Variants in SAMMSON observed in about 807,000 individuals in gnomAD.
SAMMSON encodes the protein survival associated mitochondrial melanoma specific oncogenic non-coding RNA, also known as long intergenic non-protein coding RNA 1212.
intron 9 of SAMMSON, among the ~76,000 whole-genome samples, chr3:70,388,613 A>C (rs986283112): frequency 6.6e-6 from 1 of 152,156 alleles, no homozygotes; most frequent in African/African-American, 2.4e-5. Flanking sequence ...ACTCAGTTCC[A>C]GCCTTTGCTA....
intron 4 of SAMMSON, among the ~76,000 whole-genome samples, chr3:70,246,144 G>A (rs73117937): frequency 0.13 from 19,084 of 151,784 alleles, 1,846 homozygotes; most frequent in East Asian, 0.53. Flanking sequence ...GGGATGAACC[G>A]TAGCAACTAT....
At chr3:70,309,167 T>C (rs983945168) in intron 7 of SAMMSON, among the ~76,000 whole-genome samples, 2 of 152,164 alleles carry the variant, frequency 1.3e-5, no homozygotes, top group South Asian at 4.1e-4. Context: ...ATGAAATGAA[T>C]AGAATTTGGA....
chr3:70,383,503 G>A (rs989021924), intron 9 of SAMMSON, among the ~76,000 whole-genome samples: 2 of 151,918 alleles, frequency 1.3e-5, no homozygotes, highest in African/African-American at 4.8e-5. Context: ...AGGTTTCCAC[G>A]CCCACTTTCC....
rs138040169 is a variant in SAMMSON at position 70,387,754 on chromosome 3, G to A, written n.914-1820G>A. ...AAGTTTTTGATTACACAATTCTTATGGATATATTCTTATGGATAGTTCCAT... is the reference window on the plus strand; with the variant it reads ...AAGTTTTTGATTACACAATTCTTATAGATATATTCTTATGGATAGTTCCAT... On this transcript the variant is annotated intron_variant and non_coding_transcript_variant, in intron 9 of 9. Coordinates refer to ENST00000642114, the Ensembl canonical transcript of SAMMSON. 6.1e-3 allele frequency among the ~76,000 whole-genome samples: 935 copies of A among 152,116 alleles called. 3 individuals carry two copies. Among genetic ancestry groups the A allele is most frequent in the African/African-American group, 0.021 (886 of 41,516 alleles).
intron 3 of SAMMSON, among the ~76,000 whole-genome samples, chr3:70,033,517 C>T (rs1034736098): frequency 1.3e-5 from 2 of 151,874 alleles, no homozygotes; most frequent in Non-Finnish European, 1.5e-5. Context: ...GAGAGACTGG[C>T]GAAATATGCT....
chr3:70,371,400 G>A (rs1379844973), intron 9 of SAMMSON, among the ~76,000 whole-genome samples: 1 of 151,952 alleles, frequency 6.6e-6, no homozygotes, highest in Non-Finnish European at 1.5e-5. Flanking sequence ...AGATTGCTTT[G>A]GGTTGTATGA....
intron 2 of SAMMSON, among the ~76,000 whole-genome samples, chr3:70,421,941 A>T (rs979244307): frequency 2.8e-4 from 42 of 152,074 alleles, no homozygotes; most frequent in African/African-American, 9.9e-4. Flanking sequence ...TACCAGTGAA[A>T]ATGTAGATGG....
intron 1 of SAMMSON, among the ~76,000 whole-genome samples, chr3:70,012,101 G>A (rs955793690): frequency 6.6e-6 from 1 of 152,090 alleles, no homozygotes; most frequent in Non-Finnish European, 1.5e-5. Flanking sequence ...ATGATCCAGA[G>A]CTGGAGGAAA....
At chr3:70,293,058 A>AG in intron 7 of SAMMSON, among the ~76,000 whole-genome samples, 1 of 150,100 alleles carries the variant, frequency 6.7e-6, no homozygotes, top group Non-Finnish European at 1.5e-5. Flanking sequence ...AAAAAAAAAA[A>AG]AAAAAAAAAA....
At chr3:70,085,509 G>A (rs895931907) in intron 4 of SAMMSON, among the ~76,000 whole-genome samples, 1 of 152,134 alleles carries the variant, frequency 6.6e-6, no homozygotes, top group Non-Finnish European at 1.5e-5. Flanking sequence ...GGACTACTTT[G>A]ATTTGGGTAG....
chr3:70,342,749 CA>C, intron 7 of SAMMSON, among the ~76,000 whole-genome samples: 2 of 152,230 alleles, frequency 1.3e-5, no homozygotes, highest in Middle Eastern at 6.8e-3. Context: ...TGCCTGAAGT[CA>C]TTATTGGTGA....
At chr3:70,195,941 A>G (rs1701173857) in intron 4 of SAMMSON, among the ~76,000 whole-genome samples, 1 of 152,204 alleles carries the variant, frequency 6.6e-6, no homozygotes, top group African/African-American at 2.4e-5. Context: ...ATAATTATTG[A>G]TCACTTTAAT....
At chr3:70,375,301 C>T (rs564779363) in intron 9 of SAMMSON, among the ~76,000 whole-genome samples, 2 of 151,924 alleles carry the variant, frequency 1.3e-5, no homozygotes, top group African/African-American at 2.4e-5. Flanking sequence ...AGCTTCATCA[C>T]GTTTTTCAAA....
At chr3:70,067,188 G>A (rs1409604945) in intron 3 of SAMMSON, among the ~76,000 whole-genome samples, 1 of 151,974 alleles carries the variant, frequency 6.6e-6, no homozygotes, top group Non-Finnish European at 1.5e-5. Flanking sequence ...GTATCGGAGA[G>A]ATTTCCTTAC....
intron 7 of SAMMSON, among the ~76,000 whole-genome samples, chr3:70,323,781 G>T (rs1230284955): frequency 6.6e-6 from 1 of 152,136 alleles, no homozygotes; most frequent in African/African-American, 2.4e-5. Flanking sequence ...TGAGGCCACA[G>T]TTCATCTGCA....
intron 4 of SAMMSON, among the ~76,000 whole-genome samples, chr3:70,098,816 T>G (rs1321494287): frequency 6.6e-6 from 1 of 152,212 alleles, no homozygotes; most frequent in African/African-American, 2.4e-5. Context: ...TGTGCCCCTG[T>G]AGTAAAAAAC....
At chr3:70,305,101 T>G (rs1377671820) in intron 7 of SAMMSON, among the ~76,000 whole-genome samples, 1 of 152,194 alleles carries the variant, frequency 6.6e-6, no homozygotes, top group Non-Finnish European at 1.5e-5. Flanking sequence ...ATAGTCCTCA[T>G]GCCAATCTCT....
intron 7 of SAMMSON, among the ~76,000 whole-genome samples, chr3:70,317,033 A>G (rs1702499995): frequency 6.6e-6 from 1 of 152,016 alleles, no homozygotes; most frequent in South Asian, 2.1e-4. Context: ...GGGTTACAAT[A>G]TGCATCCTTA....
At chr3:70,402,299 G>A (rs2874354) in intron 2 of SAMMSON, among the ~76,000 whole-genome samples, 91,633 of 151,944 alleles carry the variant, frequency 0.6, 27,878 homozygotes, top group Non-Finnish European at 0.63. Flanking sequence ...CATAAATTGA[G>A]TGGTTCAGTT....
Sources: allele counts gnomAD v4.1 joint callset (sites outside exome capture counted in the v4.1 genomes callset), GRCh38; gene constraint gnomAD v4.1.1; transcripts MANE v1.5; gene names NCBI Gene and HGNC (gene_info 2026-07-23, HGNC 2026-07-21).